VPS13B: variants seen among roughly 807,000 people sequenced by gnomAD.
VPS13B encodes the protein vacuolar protein sorting 13 homolog B, also known as intermembrane lipid transfer protein VPS13B.
A neutral mutation model predicts 426.4 loss-of-function variants in VPS13B; 285 were observed. The ratio of observed to expected loss-of-function variants is 0.67; its 90% CI spans 0.61 to 0.74. The LOEUF is 0.74. Ranked by LOEUF, VPS13B falls within the 30% of genes least tolerant of loss-of-function variation. The pLI, the probability that VPS13B is intolerant of heterozygous loss-of-function variation, is 0.00. For synonymous variants in VPS13B, 1,676 were observed against 1,676.4 expected, an observed-to-expected ratio of 1.00 and a Z score of 0.01; for missense variants, 4,537 against 4,782.6, an observed-to-expected ratio of 0.95 and a Z score of 1.51.
intron 19 of VPS13B, among the ~76,000 whole-genome samples, chr8:99,363,165 A>T: frequency 6.6e-6 from 1 of 152,046 alleles, no homozygotes; most frequent in Admixed American, 6.6e-5. Context: ...ATCTACTTGG[A>T]TTTGATTTTT....
intron 34 of VPS13B, among the ~76,000 whole-genome samples, chr8:99,646,855 C>T (rs1026845369): frequency 1.1e-4 from 17 of 152,084 alleles, no homozygotes; most frequent in African/African-American, 4.1e-4. Context: ...CTGGCTTTCC[C>T]CTTTGCTTTC....
At chr8:99,726,844 C>T (rs953683684) in intron 39 of VPS13B, among the ~76,000 whole-genome samples, 1 of 152,068 alleles carries the variant, frequency 6.6e-6, no homozygotes, top group East Asian at 1.9e-4. Flanking sequence ...GCATGAGCCA[C>T]CAAAAATTCT....
chr8:99,866,965 TAGA>T (rs1355582254), intron 58 of VPS13B, among the ~76,000 whole-genome samples: 1 of 152,186 alleles, frequency 6.6e-6, no homozygotes, highest in African/African-American at 2.4e-5. Context: ...GGCATTTCTG[TAGA>T]AGGTTTGGCA....
At chr8:99,699,446 T>G in intron 35 of VPS13B, 79 bp from the exon 36 acceptor site, 1 of 1,503,032 alleles carries the variant, frequency 6.7e-7, no homozygotes, top group Admixed American at 1.8e-5. Context: ...CACTTTTATG[T>G]AGGAGCTTGT....
chr8:99,115,289 A>G (rs1057398725), intron 6 of VPS13B, among the ~76,000 whole-genome samples: 2 of 152,090 alleles, frequency 1.3e-5, no homozygotes, highest in Non-Finnish European at 2.9e-5. Context: ...GAGTTTCACT[A>G]AAATGACATA....
chr8:99,625,851 A>G lies in VPS13B; in HGVS notation c.5221-15960A>G, dbSNP rs565714035. 2.6e-5 allele frequency among the ~76,000 whole-genome samples: 4 copies of G among 152,288 alleles called. No individual in the cohort carries two copies. The East Asian group carries it at 7.7e-4, about 29-fold the overall frequency. On this transcript the variant is annotated intron_variant, in intron 33 of 61. Coordinates refer to ENST00000357162, the MANE Select transcript of VPS13B (RefSeq NM_152564.5). ...ATAAAATAAGTTCCTTAAAACAACA[A>G]TAACAACAACAACAACAAAAAAAAC...
intron 30 of VPS13B, among the ~76,000 whole-genome samples, chr8:99,522,677 C>T (rs1022460862): frequency 6.6e-6 from 1 of 151,966 alleles, no homozygotes; most frequent in African/African-American, 2.4e-5. Flanking sequence ...ACCCTGTAGA[C>T]CAAGGTTAGC....
intron 30 of VPS13B, among the ~76,000 whole-genome samples, chr8:99,546,888 A>G (rs143812418): frequency 1.9e-3 from 283 of 152,218 alleles, no homozygotes; most frequent in Middle Eastern, 0.01. Flanking sequence ...TTGTTTACGT[A>G]CAGTTTAATT....
intron 3 of VPS13B, among the ~76,000 whole-genome samples, chr8:99,050,363 C>A (rs901613094): frequency 6.6e-6 from 1 of 152,192 alleles, no homozygotes; most frequent in African/African-American, 2.4e-5. Context: ...AGGACATGAA[C>A]TCATCCTTTT....
At chr8:99,326,212 C>T (rs1248034313) in intron 19 of VPS13B, among the ~76,000 whole-genome samples, 1 of 151,940 alleles carries the variant, frequency 6.6e-6, no homozygotes, top group Admixed American at 6.6e-5. Context: ...AGGAACCCTG[C>T]TTGAAAAAAC....
At chr8:99,793,241 G>A (rs1256063958) in intron 43 of VPS13B, among the ~76,000 whole-genome samples, 20 of 125,242 alleles carry the variant, frequency 1.6e-4, no homozygotes, top group African/African-American at 6.0e-4. Context: ...TGGAGACAGG[G>A]TCTTGCCCTC....
At chr8:99,242,895 C>CT (rs564417339) in intron 17 of VPS13B, among the ~76,000 whole-genome samples, 8 of 151,932 alleles carry the variant, frequency 5.3e-5, no homozygotes, top group Non-Finnish European at 8.8e-5. Flanking sequence ...GGCATGATGC[C>CT]TTTTTTTGTC....
chr8:99,523,631 A>C (rs1822494459), intron 30 of VPS13B, among the ~76,000 whole-genome samples: 1 of 152,188 alleles, frequency 6.6e-6, no homozygotes, highest in South Asian at 2.1e-4. Flanking sequence ...CCAAGGTGGC[A>C]CCTGTACAAG....
chr8:99,530,077 C>T (rs1028512191), intron 30 of VPS13B, among the ~76,000 whole-genome samples: 7 of 152,130 alleles, frequency 4.6e-5, no homozygotes, highest in South Asian at 2.1e-4. Flanking sequence ...GTTTTTGTTA[C>T]GAAGAACTTT....
chr8:99,703,309 G>A (rs1396316877), intron 36 of VPS13B, among the ~76,000 whole-genome samples: 1 of 151,938 alleles, frequency 6.6e-6, no homozygotes, highest in Non-Finnish European at 1.5e-5. Flanking sequence ...GAGTTTCATA[G>A]GATTTGATTT....
chr8:99,346,077 C>T (rs1811520336), intron 19 of VPS13B: 1 of 152,340 alleles, frequency 6.6e-6, no homozygotes, highest in African/African-American at 2.4e-5. Context: ...ATAGCTCCAT[C>T]ATTCTGTTCA....
chr8:99,650,050 G>T (rs1350870655), intron 34 of VPS13B, among the ~76,000 whole-genome samples: 1 of 152,146 alleles, frequency 6.6e-6, no homozygotes, highest in Non-Finnish European at 1.5e-5. Context: ...CTGCAGTGAG[G>T]TTATTCCAGT....
chr8:99,225,347 T>C (rs907509797), intron 17 of VPS13B, among the ~76,000 whole-genome samples: 1 of 152,050 alleles, frequency 6.6e-6, no homozygotes, highest in Non-Finnish European at 1.5e-5. Flanking sequence ...TGGCGCGATC[T>C]CAGCTCACTG....
chr8:99,453,861 G>T (rs1818322670), intron 23 of VPS13B, among the ~76,000 whole-genome samples: 1 of 152,046 alleles, frequency 6.6e-6, no homozygotes, highest in Admixed American at 6.6e-5. Context: ...GAACCTACAG[G>T]GATACGTAAT....
Sources: gnomAD v4.1 joint callset for allele counts (sites outside exome capture counted in the v4.1 genomes callset) on GRCh38, gnomAD v4.1.1 for gene constraint, MANE v1.5 for transcripts, NCBI Gene and HGNC (gene_info 2026-07-23, HGNC 2026-07-21) for gene names.